DSG2: variants seen among roughly 807,000 people sequenced by gnomAD.
DSG2 encodes desmoglein 2, also known as desmoglein-2.
In DSG2, 45 loss-of-function variants were observed where a neutral mutation model predicts 75.6. That is an observed-to-expected ratio of 0.60 (90% CI 0.47 to 0.76). DSG2 has a LOEUF of 0.76. DSG2 is among the 30% of genes least tolerant of loss of function. The pLI is 0.00. For missense variants in DSG2, 1,267 were observed against 1,357.4 expected (o/e 0.93, Z 1.05); for synonymous variants, 429 against 483.9 (o/e 0.89, Z 1.49).
At chr18:31,539,033 G>C (rs1187245529) in intron 12 of DSG2, 55 bp downstream of exon 12, 10 of 1,498,310 alleles carry the variant, frequency 6.7e-6, no homozygotes, top group East Asian at 2.3e-5. Context: ...TGCACTCCTG[G>C]AGATGTGTTA....
In DSG2 at chr18:31,522,076, A is replaced by G; in HGVS notation, c.524-7A>G. ...TTCATCTTAGACATCTTTATTTCTA[A>G]TGCCAGATACTCTTGTGATGAAAAT... On this transcript the variant is annotated splice_polypyrimidine_tract_variant and splice_region_variant and intron_variant, in intron 5 of 14. Coordinates refer to ENST00000261590, the MANE Select transcript of DSG2 (RefSeq NM_001943.5). 6.2e-7 allele frequency: 1 copy of G among 1,613,258 alleles called. No individual in the cohort carries two copies.
chr18:31,529,846 A>G (rs955645779), intron 8 of DSG2, among the ~76,000 whole-genome samples: 6 of 152,220 alleles, frequency 3.9e-5, no homozygotes, highest in Non-Finnish European at 7.3e-5. Context: ...GTAATAGGAT[A>G]TAGGTCAACA....
Position 31,538,828 on chromosome 18 carries a change from G to C in DSG2, c.1729G>C (p.Gly577Arg), listed in dbSNP as rs2073247973. 6.2e-7 allele frequency: 1 copy of C among 1,614,162 alleles called. No homozygotes were observed. Among genetic ancestry groups the C allele is most frequent in the Non-Finnish European group, 8.5e-7 (1 of 1,180,022 alleles). ...TCAGTTCCTGATTTCAGACAATCAG[G>C]GTTTTAGTTGTCCTGAAAAGCAGGT... ...EIQFLISDNQ[G>R]FSCPEKQVLT... The change falls in exon 12 of 15, where the codon GGT becomes CGT. Residue 577 changes from glycine (G) to arginine (R), a missense_variant. Physicochemically the swap from Gly to Arg is moderately radical, Grantham distance 125. Transcript: ENST00000261590.
intron 11 of DSG2, among the ~76,000 whole-genome samples, chr18:31,537,483 G>A (rs1225060293): frequency 6.6e-6 from 1 of 151,958 alleles, no homozygotes; most frequent in Non-Finnish European, 1.5e-5. Flanking sequence ...GCCGGGCGTG[G>A]TGGCAGGCAC....
intron 6 of DSG2, among the ~76,000 whole-genome samples, chr18:31,523,447 G>T (rs969973965): frequency 6.6e-6 from 1 of 152,098 alleles, no homozygotes; most frequent in Admixed American, 6.6e-5. Flanking sequence ...AAATTGGAAG[G>T]ACTGTGCCTA....
At chr18:31,518,522 C>A (rs2073107411) in intron 2 of DSG2, among the ~76,000 whole-genome samples, 1 of 152,126 alleles carries the variant, frequency 6.6e-6, no homozygotes, top group Non-Finnish European at 1.5e-5. Flanking sequence ...TGACGAGGTG[C>A]TGAATGAAAA....
chr18:31,523,099 G>A (rs2073138783), intron 6 of DSG2, among the ~76,000 whole-genome samples: 1 of 152,168 alleles, frequency 6.6e-6, no homozygotes, highest in Non-Finnish European at 1.5e-5. Context: ...ACTACGTTCA[G>A]TATTTCTTAG....
Position 31,536,273 on chromosome 18 carries a change from C to A in DSG2, c.1495C>A (p.Leu499Met), listed in dbSNP as rs759612298. The change falls in exon 11 of 15, where the codon CTG becomes ATG. Residue 499 changes from leucine to methionine, a missense_variant. Physicochemically the swap from Leu to Met is conservative, Grantham distance 15 (BLOSUM62 2). Transcript: ENST00000261590. ...VEDINDNCPT[L>M]IEPVQTICHD... ...AGACATCAACGACAACTGTCCCACA[C>A]TGATAGAGCCTGTGCAGACAATCTG... 6.2e-7 allele frequency: 1 copy of A among 1,614,224 alleles called. No individual in the cohort carries two copies. The highest frequency in any genetic ancestry group is 8.5e-7 in the Non-Finnish European group (1 of 1,180,048).
chr18:31,546,681 A>G lies in DSG2; in HGVS notation c.3295A>G (p.Thr1099Ala), dbSNP rs79068489. ...GLEESGHSNSTITTSSTRVTK... is the reference protein window; with the variant it reads ...GLEESGHSNSAITTSSTRVTK... ...AGAGGAATCTGGTCATTCTAATTCT[A>G]CCATAACCACATCTTCCACCAGAGT... is the stretch of plus-strand genomic sequence containing the variant. Residue 1099 changes from threonine (T) to alanine (A), a missense_variant, in exon 15 of 15, where the codon ACC (threonine) becomes GCC (alanine). Coordinates refer to ENST00000261590, the MANE Select transcript of DSG2 (RefSeq NM_001943.5). 2.8e-4 allele frequency: 458 copies of G among 1,614,146 alleles called. 1 individual carries two copies. In the African/African-American group the frequency reaches 4.6e-3, roughly 16 times the overall value.
At position 31,524,777 on chromosome 18, in the gene DSG2, A is replaced by G; in HGVS notation, c.903A>G (p.Ile301Met). Reference protein sequence around the residue: ...TRIKVFDADEIGSDNWLANFT... With the variant: ...TRIKVFDADEMGSDNWLANFT... ...TAAAAGTGTTCGATGCAGATGAAAT[A>G]GGTTCTGATAATTGGCTGGCAAATT... Residue 301 changes from isoleucine (I) to methionine (M), a missense_variant, in exon 8 of 15, where the codon ATA (isoleucine) becomes ATG (methionine). Physicochemically the swap from Ile to Met is conservative, Grantham distance 10. Transcript: ENST00000261590. The G allele has an allele frequency of 6.2e-7, 1 of 1,614,212 alleles. No individual in the cohort carries two copies. Among genetic ancestry groups the G allele is most frequent in the Non-Finnish European group, 8.5e-7 (1 of 1,180,030 alleles).
intron 1 of DSG2, among the ~76,000 whole-genome samples, chr18:31,513,207 T>G (rs1051785670): frequency 6.6e-6 from 1 of 152,220 alleles, no homozygotes; most frequent in African/African-American, 2.4e-5. Flanking sequence ...TGGTCCAAAT[T>G]TGAACGATTC....
chr18:31,523,713 T>C (rs2073143340), intron 6 of DSG2, among the ~76,000 whole-genome samples: 1 of 152,222 alleles, frequency 6.6e-6, no homozygotes, highest in South Asian at 2.1e-4. Context: ...ATAGAAACCC[T>C]GTGAGGCAGA....
Position 31,522,168 on chromosome 18 carries a change from G to A in DSG2, c.609G>A (p.Leu203=), listed in dbSNP as rs772387993. The A allele has an allele frequency of 6.2e-7, 1 of 1,613,762 alleles. No homozygotes were observed. Among genetic ancestry groups the A allele is most frequent in the East Asian group, 2.2e-5 (1 of 44,832 alleles). The change falls in exon 6 of 15, where the codon CTG becomes CTA. Residue 203 remains leucine (L), a synonymous_variant. Transcript: ENST00000261590. ...AAATTTCCTATAGAATCGTATCTCT[G>A]GAGCCTGCTTATCCTCCAGTGTTCT... The part of the protein sequence containing the change: ...NSKISYRIVS[L]EPAYPPVFYL...
At chr18:31,518,801 A>G (rs2073109861) in intron 2 of DSG2, among the ~76,000 whole-genome samples, 1 of 152,240 alleles carries the variant, frequency 6.6e-6, no homozygotes, top group African/African-American at 2.4e-5. Flanking sequence ...TAGAGCAACA[A>G]AATGAGTAAA....
chr18:31,536,771 C>T (rs906051442), intron 11 of DSG2, among the ~76,000 whole-genome samples: 1 of 152,216 alleles, frequency 6.6e-6, no homozygotes, highest in African/African-American at 2.4e-5. Flanking sequence ...TTTAAAACAA[C>T]ATTTATTGAG....
chr18:31,524,968 T>C, intron 8 of DSG2, 80 bp downstream of exon 8: 1 of 1,316,758 alleles, frequency 7.6e-7, no homozygotes, highest in Non-Finnish European at 1.1e-6. Flanking sequence ...CCCTGAACAC[T>C]TAAAAGTGCT....
chr18:31,507,457 T>C (rs1243836124), intron 1 of DSG2, among the ~76,000 whole-genome samples: 2 of 152,232 alleles, frequency 1.3e-5, no homozygotes, highest in Admixed American at 1.3e-4. Context: ...ATGGGATTGC[T>C]GAGTCAAATG....
Position 31,548,647 on chromosome 18 carries a change from T to C in DSG2, c.*1904T>C, listed in dbSNP as rs1436620034. ...TATGAAAATGTAAATATCACTTGTG[T>C]ACTCAAACAAAAGTTGGTCTTAAGC... On this transcript the variant is annotated 3_prime_UTR_variant, in exon 15 of 15. Coordinates refer to ENST00000261590, the MANE Select transcript of DSG2 (RefSeq NM_001943.5). 1.3e-5 allele frequency: 2 copies of C among 152,222 alleles called. No individual in the cohort carries two copies. 9.4% of individuals were successfully genotyped at this position (152,222 alleles called of 1,614,324 possible).
Position 31,534,061 on chromosome 18 carries a change from G to A in DSG2, c.1281-1209G>A, listed in dbSNP as rs546753190. 1.4e-4 allele frequency among the ~76,000 whole-genome samples: 21 copies of A among 149,112 alleles called. 1 individual carries two copies. The highest frequency in any genetic ancestry group is 7.0e-3 in the Middle Eastern group (2 of 284). On this transcript the variant is annotated intron_variant, in intron 9 of 14. Coordinates refer to ENST00000261590, the MANE Select transcript of DSG2 (RefSeq NM_001943.5). ...GCTGGAGTGCAGTGGCACGATCTCG[G>A]CTTACTGCAACCTCTGCCTCCCGGG...
Sources: allele counts gnomAD v4.1 joint callset (sites outside exome capture counted in the v4.1 genomes callset), GRCh38; gene constraint gnomAD v4.1.1; transcripts MANE v1.5; gene names NCBI Gene and HGNC (gene_info 2026-07-23, HGNC 2026-07-21).